FANCC: variants seen among roughly 807,000 people sequenced by gnomAD.
The protein encoded by FANCC is FA complementation group C, also known as Fanconi anemia group C protein.
Under a neutral mutation model 71.3 loss-of-function variants are expected in FANCC, and 55 were observed. That is an observed-to-expected ratio of 0.77 (90% CI 0.62 to 0.97). The LOEUF (loss-of-function observed/expected upper bound fraction) is 0.97, where lower values mean the gene tolerates loss of function less well. FANCC is among the 50% of genes least tolerant of loss of function. The pLI is 0.00. For missense variants in FANCC, 678 were observed against 670.9 expected (o/e 1.01, Z -0.12); for synonymous variants, 275 against 244.9 (o/e 1.12, Z -1.15).
At chr9:95,294,924 T>C in intron 1 of FANCC, 1 of 940,702 alleles carries the variant, frequency 1.1e-6, no homozygotes. Flanking sequence ...ATGCAGTTGC[T>C]TAGCTTCTTT....
At chr9:95,286,332 G>C (rs1171959550) in intron 1 of FANCC, among the ~76,000 whole-genome samples, 2 of 152,116 alleles carry the variant, frequency 1.3e-5, no homozygotes, top group East Asian at 1.9e-4. Flanking sequence ...CCATTCCCTT[G>C]TCAGTGACTG....
chr9:95,227,274 C>T (rs1425036288), intron 4 of FANCC, among the ~76,000 whole-genome samples: 2 of 152,166 alleles, frequency 1.3e-5, no homozygotes, highest in Non-Finnish European at 2.9e-5. Flanking sequence ...AGAAAGGATG[C>T]GTCCTGGCCT....
chr9:95,288,983 C>T (rs1821266414), intron 1 of FANCC, among the ~76,000 whole-genome samples: 1 of 152,040 alleles, frequency 6.6e-6, no homozygotes, highest in Admixed American at 6.6e-5. Flanking sequence ...CACCAGTAGT[C>T]CTAGCTGCTT....
chr9:95,227,202 T>C (rs1448111546), intron 4 of FANCC, among the ~76,000 whole-genome samples: 1 of 152,112 alleles, frequency 6.6e-6, no homozygotes, highest in Non-Finnish European at 1.5e-5. Context: ...GGAGAGAAAA[T>C]TTAAAATGCC....
intron 4 of FANCC, among the ~76,000 whole-genome samples, chr9:95,231,051 C>T (rs961226651): frequency 2.0e-5 from 3 of 152,190 alleles, no homozygotes; most frequent in African/African-American, 7.2e-5. Context: ...CTAGGAAGTC[C>T]AGCTGGCTTC....
chr9:95,264,229 G>A (rs1308662458), intron 1 of FANCC, among the ~76,000 whole-genome samples: 1 of 152,142 alleles, frequency 6.6e-6, no homozygotes, highest in African/African-American at 2.4e-5. Context: ...AGTTTGCTGA[G>A]CATATTTTGA....
intron 8 of FANCC, among the ~76,000 whole-genome samples, chr9:95,131,631 A>G (rs1194279150): frequency 6.6e-6 from 1 of 152,218 alleles, no homozygotes; most frequent in African/African-American, 2.4e-5. Flanking sequence ...GACTACTGCT[A>G]AATTATCTAC....
Position 95,137,080 on chromosome 9 carries a change from T to C in FANCC, c.687-1578A>G, listed in dbSNP as rs577127907. On this transcript the variant is annotated intron_variant, in intron 7 of 14. Coordinates refer to ENST00000289081, the MANE Select transcript of FANCC (RefSeq NM_000136.3). ...CCAAGAAAAACAAGGCTACTGCTAT[T>C]AATAAGGAAAACTAAAGTGGGGGCG... Among the ~76,000 whole-genome samples the C allele has an allele frequency of 5.1e-4, 78 of 152,298 alleles. 1 individual carries two copies. Among genetic ancestry groups the C allele is most frequent in the Non-Finnish European group, 9.0e-4 (61 of 68,030 alleles).
At chr9:95,221,212 A>T (rs1210623298) in intron 4 of FANCC, among the ~76,000 whole-genome samples, 1 of 151,944 alleles carries the variant, frequency 6.6e-6, no homozygotes, top group African/African-American at 2.4e-5. Context: ...ATCTGAAAAA[A>T]ACAAAAACAA....
At chr9:95,233,710 T>G (rs948672677) in intron 4 of FANCC, among the ~76,000 whole-genome samples, 18 of 152,212 alleles carry the variant, frequency 1.2e-4, no homozygotes, top group Admixed American at 6.5e-4. Flanking sequence ...TTATCAAAAT[T>G]TATTACTGGT....
intron 1 of FANCC, among the ~76,000 whole-genome samples, chr9:95,301,255 G>T (rs540689971): frequency 6.6e-6 from 1 of 151,868 alleles, no homozygotes; most frequent in African/African-American, 2.4e-5. Context: ...GAATATTCCT[G>T]ACTGACTCAG....
At chr9:95,246,898 C>G (rs2136086873) in intron 3 of FANCC, among the ~76,000 whole-genome samples, 1 of 152,264 alleles carries the variant, frequency 6.6e-6, no homozygotes, top group South Asian at 2.1e-4. Context: ...AAAGTGCCCC[C>G]ACATTCATCT....
At chr9:95,166,338 T>C (rs1831066718) in intron 6 of FANCC, among the ~76,000 whole-genome samples, 1 of 152,102 alleles carries the variant, frequency 6.6e-6, no homozygotes, top group Admixed American at 6.5e-5. Context: ...CATTGATTTT[T>C]TTCATAGTGA....
chr9:95,261,079 A>G (rs761508125), intron 1 of FANCC, among the ~76,000 whole-genome samples: 7 of 152,158 alleles, frequency 4.6e-5, no homozygotes, highest in Non-Finnish European at 7.3e-5. Context: ...GGGCTTTGTC[A>G]CAAAGAGGGA....
At chr9:95,199,385 T>C (rs1179648843) in intron 4 of FANCC, among the ~76,000 whole-genome samples, 1 of 151,538 alleles carries the variant, frequency 6.6e-6, no homozygotes, top group Non-Finnish European at 1.5e-5. Flanking sequence ...CTACTCACCA[T>C]GCCTCCTCCC....
At chr9:95,176,052 G>A (rs1825994474) in intron 4 of FANCC, among the ~76,000 whole-genome samples, 1 of 152,202 alleles carries the variant, frequency 6.6e-6, no homozygotes, top group Admixed American at 6.5e-5. Flanking sequence ...CTCATTTAAA[G>A]CATTTACTAC....
At chr9:95,144,015 CAG>C (rs1198759016) in intron 7 of FANCC, among the ~76,000 whole-genome samples, 1 of 151,918 alleles carries the variant, frequency 6.6e-6, no homozygotes, top group South Asian at 2.1e-4. Flanking sequence ...AATTGTCAAA[CAG>C]ATGAAATTCC....
intron 4 of FANCC, among the ~76,000 whole-genome samples, chr9:95,182,370 A>C (rs1428464564): frequency 6.6e-6 from 1 of 152,084 alleles, no homozygotes; most frequent in Non-Finnish European, 1.5e-5. Flanking sequence ...AATACAAAAA[A>C]TTAGCTGGGC....
intron 4 of FANCC, among the ~76,000 whole-genome samples, chr9:95,221,427 T>C (rs1202425206): frequency 6.6e-6 from 1 of 152,078 alleles, no homozygotes; most frequent in Admixed American, 6.5e-5. Flanking sequence ...CTTCATAAAC[T>C]TGACATAGGC....
Sources: gnomAD v4.1 joint callset for allele counts (sites outside exome capture counted in the v4.1 genomes callset) on GRCh38, gnomAD v4.1.1 for gene constraint, MANE v1.5 for transcripts, NCBI Gene and HGNC (gene_info 2026-07-23, HGNC 2026-07-21) for gene names.